SUMO3: variants seen among roughly 807,000 people sequenced by gnomAD.
The protein encoded by SUMO3 is small ubiquitin like modifier 3.
SUMO3 carries 2 observed loss-of-function variants against 11.1 expected under a neutral mutation model. The observed-to-expected ratio is 0.18, with a 90% confidence interval of 0.07 to 0.57. The LOEUF (loss-of-function observed/expected upper bound fraction) is 0.57, where lower values mean the gene tolerates loss of function less well. Ranked by LOEUF, SUMO3 falls within the 20% of genes least tolerant of loss-of-function variation. The pLI is 0.92. For synonymous variants in SUMO3, 56 were observed against 53.5 expected (o/e 1.05, Z -0.20); for missense variants, 70 against 132.8 (o/e 0.53, Z 2.32).
chr21:44,814,231 C>T (rs554691700), intron 1 of SUMO3, 127 bp from the exon 2 acceptor site: 5 of 1,285,682 alleles, frequency 3.9e-6, no homozygotes, highest in Middle Eastern at 2.5e-4. Context: ...TTAAAATTCT[C>T]CAGCAATTCA....
At chr21:44,817,160 T>G (rs1601220503) in intron 1 of SUMO3, among the ~76,000 whole-genome samples, 2 of 14,856 alleles carry the variant, frequency 1.3e-4, no homozygotes, top group Non-Finnish European at 1.3e-4. Flanking sequence ...GTACACACCA[T>G]GGGGGGCGTG....
chr21:44,811,086 GCACACACCCA>G lies in SUMO3; in HGVS notation c.151-1978_151-1969del, dbSNP rs1190374949. ...CATACACACACACGAATGCACACATGCACACACCCACATACACACACATGCACACACCCAC... is the reference window on the plus strand; with the variant it reads ...CATACACACACACGAATGCACACATGCATACACACACATGCACACACCCAC... On this transcript the variant is annotated intron_variant, in intron 2 of 3. Transcript: ENST00000332859. The surrounding 1 kb of genome is among the most constrained non-coding windows in gnomAD (Gnocchi z 5.0). 1.7e-5 allele frequency among the ~76,000 whole-genome samples: 2 copies of G among 121,020 alleles called. No individual in the cohort carries two copies. Among genetic ancestry groups the G allele is most frequent in the Non-Finnish European group, 3.5e-5 (2 of 57,824 alleles). The allele number at this position is 121,020 out of a possible 152,430, so 79.4% of individuals were successfully genotyped here.
chr21:44,815,252 G>A (rs966911770), intron 1 of SUMO3, among the ~76,000 whole-genome samples: 2 of 152,206 alleles, frequency 1.3e-5, no homozygotes, highest in African/African-American at 4.8e-5. Context: ...TGAACCCAGG[G>A]ACTGCACCCA....
intron 3 of SUMO3, chr21:44,808,369 C>A: frequency 1.8e-6 from 1 of 544,172 alleles, no homozygotes; most frequent in Non-Finnish European, 3.0e-6. Flanking sequence ...AAAAATTAGC[C>A]GGGAGTGGTG....
Position 44,810,856 on chromosome 21 carries a change from G to A in SUMO3, c.151-1738C>T, listed in dbSNP as rs912589563. Among the ~76,000 whole-genome samples, 7 of 149,208 alleles carry A rather than the reference G, an allele frequency of 4.7e-5. No individual in the cohort carries two copies. Among genetic ancestry groups the A allele is most frequent in the Admixed American group, 2.0e-4 (3 of 14,900 alleles). ...GCAGCCTAGAGAGGAGGGGAGGAGC[G>A]CAGAGGAGAACGGACAGGAAGGAGG... is the stretch of plus-strand genomic sequence containing the variant. On this transcript the variant is annotated intron_variant, in intron 2 of 3. Transcript: ENST00000332859. The surrounding 1 kb of genome is among the most constrained non-coding windows in gnomAD (Gnocchi z 4.1).
chr21:44,806,838 C>A lies in SUMO3; in HGVS notation c.*113G>T. On this transcript the variant is annotated 3_prime_UTR_variant, in exon 4 of 4. Transcript: ENST00000332859. ...TGAAGTACATCAAAGAGAGGAAAAT[C>A]ATCGTGGTGAATGTCCTCGAGTTTC... 2 of 1,501,438 alleles carry A rather than the reference C, an allele frequency of 1.3e-6. No homozygotes were observed. Among genetic ancestry groups the A allele is most frequent in the South Asian group, 2.6e-5 (2 of 77,020 alleles). The allele number at this position is 1,501,438 out of a possible 1,614,324, so 93.0% of individuals were successfully genotyped here.
Position 44,811,629 on chromosome 21 carries a change from G to T in SUMO3, c.150+2347C>A, listed in dbSNP as rs570388538. Among the ~76,000 whole-genome samples, 1 of 152,110 alleles carries T rather than the reference G, an allele frequency of 6.6e-6. No individual in the cohort carries two copies. Among genetic ancestry groups the T allele is most frequent in the South Asian group, 2.1e-4 (1 of 4,812 alleles). ...ACACTCAAAGAACAGAAAGAAAAAA[G>T]AACTTTTGGAAATTAAAAATCATGA... On this transcript the variant is annotated intron_variant, in intron 2 of 3. Transcript: ENST00000332859. The surrounding 1 kb of genome is among the most constrained non-coding windows in gnomAD (Gnocchi z 5.0).
chr21:44,813,809 C>A, intron 2 of SUMO3, 167 bp downstream of exon 2: 1 of 1,517,994 alleles, frequency 6.6e-7, no homozygotes, highest in Non-Finnish European at 8.8e-7. Context: ...CAAGCCCAGC[C>A]TGGACTAATT....
At position 44,806,645 on chromosome 21, in the gene SUMO3, T is replaced by G; in HGVS notation, c.*306A>C. The G allele has an allele frequency of 2.1e-6, 1 of 485,136 alleles. No homozygotes were observed. Among genetic ancestry groups the G allele is most frequent in the Non-Finnish European group, 3.3e-6 (1 of 299,600 alleles). 30.1% of individuals were successfully genotyped at this position (485,136 alleles called of 1,614,324 possible). A position where few individuals can be genotyped will look rare whatever the true frequency, so the allele number is the denominator to read the frequency against. ...AGACTAAAAGCGAACATTCAGGCTA[T>G]AATTTTGGGGTTAAAAAAATGTTGT... On this transcript the variant is annotated 3_prime_UTR_variant, in exon 4 of 4. Transcript: ENST00000332859.
At chr21:44,809,831 T>C (rs1189137379) in intron 2 of SUMO3, among the ~76,000 whole-genome samples, 1 of 152,182 alleles carries the variant, frequency 6.6e-6, no homozygotes, top group Non-Finnish European at 1.5e-5. Context: ...CCGTGTGGAA[T>C]GGTCAATTCA....
intron 1 of SUMO3, among the ~76,000 whole-genome samples, chr21:44,816,001 T>C (rs904791753): frequency 2.0e-5 from 3 of 152,166 alleles, no homozygotes; most frequent in Non-Finnish European, 4.4e-5. Flanking sequence ...AGTCCACCTC[T>C]TCCCCTTCGT....
intron 2 of SUMO3, 60 bp from the exon 3 acceptor site, chr21:44,809,178 T>C: frequency 6.6e-7 from 1 of 1,526,042 alleles, no homozygotes; most frequent in Non-Finnish European, 9.1e-7. Flanking sequence ...GGAAAAGCAG[T>C]GGCCATTAGT....
In SUMO3 at chr21:44,810,366, G is replaced by A. The variant is rs964800961; in HGVS notation, c.151-1248C>T. Among the ~76,000 whole-genome samples, 1 of 152,204 alleles carries A rather than the reference G, an allele frequency of 6.6e-6. No homozygotes were observed. Among genetic ancestry groups the A allele is most frequent in the African/African-American group, 2.4e-5 (1 of 41,456 alleles). On this transcript the variant is annotated intron_variant, in intron 2 of 3. Transcript: ENST00000332859. The surrounding 1 kb of genome is among the most constrained non-coding windows in gnomAD (Gnocchi z 4.1). ...CACTGGACCAGGATCCTAGGGCGGA[G>A]GGACTGGGCACGCCCCAACCTGTGA...
intron 1 of SUMO3, among the ~76,000 whole-genome samples, chr21:44,814,841 C>T (rs2083234460): frequency 6.6e-6 from 1 of 152,208 alleles, no homozygotes; most frequent in Non-Finnish European, 1.5e-5. Flanking sequence ...TTAATTCATG[C>T]CATACTTGAA....
rs1056709952 is a variant in SUMO3 at position 44,810,920 on chromosome 21, A to T, written c.151-1802T>A. On this transcript the variant is annotated intron_variant, in intron 2 of 3. Coordinates refer to ENST00000332859, the MANE Select transcript of SUMO3 (RefSeq NM_006936.3). This position sits in a 1 kb window ranked among gnomAD's most constrained non-coding sequence, Gnocchi z 4.1. Reference sequence around the variant, plus strand: ...CCAACACAGGCACACACATGCCCACACCCACACATGCCCACACCCACACAC... The same window carrying T: ...CCAACACAGGCACACACATGCCCACTCCCACACATGCCCACACCCACACAC... Among the ~76,000 whole-genome samples, 1 of 151,448 alleles carries T rather than the reference A, an allele frequency of 6.6e-6. No homozygotes were observed. Among genetic ancestry groups the T allele is most frequent in the Non-Finnish European group, 1.5e-5 (1 of 67,800 alleles).
chr21:44,806,249 C>T lies in SUMO3; in HGVS notation c.*702G>A, dbSNP rs1319469614. 5 of 130,306 alleles carry T rather than the reference C, an allele frequency of 3.8e-5. No homozygotes were observed. Among genetic ancestry groups the T allele is most frequent in the Non-Finnish European group, 6.3e-5 (4 of 63,068 alleles). 8.1% of individuals were successfully genotyped at this position (130,306 alleles called of 1,614,324 possible). A position where few individuals can be genotyped will look rare whatever the true frequency, so the allele number is the denominator to read the frequency against. On this transcript the variant is annotated 3_prime_UTR_variant, in exon 4 of 4. Coordinates refer to ENST00000332859, the MANE Select transcript of SUMO3 (RefSeq NM_006936.3). Reference sequence around the variant, plus strand: ...CTTGCCTGTGTACCAACGCCAGGTACTGAGCAGGGAGTGGGGTGGGAGGGG... The same window carrying T: ...CTTGCCTGTGTACCAACGCCAGGTATTGAGCAGGGAGTGGGGTGGGAGGGG...
chr21:44,817,186 C>G (rs764541697), intron 1 of SUMO3, among the ~76,000 whole-genome samples: 842 of 71,336 alleles, frequency 0.012, 3 homozygotes, highest in South Asian at 0.021. Context: ...GAGGCGTGGG[C>G]GTACACCGGG....
At chr21:44,817,134 T>C (rs1049578098) in intron 1 of SUMO3, among the ~76,000 whole-genome samples, 2 of 94,602 alleles carry the variant, frequency 2.1e-5, no homozygotes, top group Non-Finnish European at 4.1e-5. Context: ...CCAGGTGGCA[T>C]GATGGGGAGG....
At chr21:44,817,193 C>CG (rs568054362) in intron 1 of SUMO3, among the ~76,000 whole-genome samples, 807 of 8,270 alleles carry the variant, frequency 0.098, 15 homozygotes, top group Non-Finnish European at 0.086. Context: ...GGGCGTACAC[C>CG]GGGGGGCGCG....
Sources: gnomAD v4.1 joint callset for allele counts (sites outside exome capture counted in the v4.1 genomes callset) on GRCh38, gnomAD v4.1.1 for gene constraint, Gnocchi (gnomAD v3.1) non-coding constraint, MANE v1.5 for transcripts, NCBI Gene and HGNC (gene_info 2026-07-23, HGNC 2026-07-21) for gene names.